CCDC3: variants seen among roughly 807,000 people sequenced by gnomAD.
CCDC3 encodes the protein coiled-coil domain-containing protein 3.
A neutral mutation model predicts 21.4 loss-of-function variants in CCDC3; 24 were observed. The ratio of observed to expected loss-of-function variants is 1.12; its 90% CI spans 0.81 to 1.58. The LOEUF is 1.58. Among genes scored for constraint, CCDC3 ranks in the 40% most tolerant of loss-of-function variants. CCDC3 has a pLI of 0.00. For missense variants in CCDC3, 425 were observed against 360.9 expected, an observed-to-expected ratio of 1.18 and a Z score of -1.44; for synonymous variants, 186 against 166.0, an observed-to-expected ratio of 1.12 and a Z score of -0.93.
In CCDC3 at chr10:13,001,243, G is replaced by T; in HGVS notation, c.328C>A (p.His110Asn). 1 of 1,585,424 alleles carries T rather than the reference G, an allele frequency of 6.3e-7. No homozygotes were observed. The highest frequency in any genetic ancestry group is 8.6e-7 in the Non-Finnish European group (1 of 1,166,614). Reference protein sequence around the residue: ...NLTGLGYFSCHSHTVVQDYSY... With the variant: ...NLTGLGYFSCNSHTVVQDYSY... ...TAGTCCTGGACCACGGTGTGGGAGT[G>T]GCACGAGAAGTAGCCCAGGCCGGTG... Residue 110 changes from histidine to asparagine, a missense_variant, in exon 1 of 3, where the codon CAC becomes AAC. Physicochemically the swap from His to Asn is moderately conservative, Grantham distance 68. Coordinates refer to ENST00000378825, the MANE Select transcript of CCDC3 (RefSeq NM_031455.4).
intron 2 of CCDC3, among the ~76,000 whole-genome samples, chr10:12,985,210 T>TTATGAGATAGCATAAAACCTCA (rs1488171875): frequency 6.6e-6 from 1 of 152,154 alleles, no homozygotes; most frequent in Non-Finnish European, 1.5e-5. Flanking sequence ...AAGCAAAACC[T>TTATGAGATAGCATAAAACCTCA]TAAAACCATA....
At chr10:13,077,141 T>G (rs1836974761) in intron 3 of CCDC3, among the ~76,000 whole-genome samples, 1 of 152,204 alleles carries the variant, frequency 6.6e-6, no homozygotes, top group Non-Finnish European at 1.5e-5. Flanking sequence ...CTCCTTAAGC[T>G]GATAAGCAAC....
intron 5 of CCDC3, among the ~76,000 whole-genome samples, chr10:13,025,902 C>T (rs951025689): frequency 4.6e-5 from 7 of 152,146 alleles, no homozygotes; most frequent in Non-Finnish European, 8.8e-5. Flanking sequence ...AAAACTCACC[C>T]GGGCATGGTG....
chr10:12,985,762 G>A (rs1458482605), intron 2 of CCDC3, among the ~76,000 whole-genome samples: 1 of 152,210 alleles, frequency 6.6e-6, no homozygotes, highest in Non-Finnish European at 1.5e-5. Context: ...GATAGGTGAG[G>A]GGAAGGGTAG....
intron 2 of CCDC3, among the ~76,000 whole-genome samples, chr10:12,914,405 G>GC (rs1270166304): frequency 2.2e-4 from 34 of 151,948 alleles, no homozygotes; most frequent in Non-Finnish European, 4.9e-4. Context: ...TTGTATTTCT[G>GC]CGGTATCAGT....
intron 5 of CCDC3, among the ~76,000 whole-genome samples, chr10:13,011,607 T>C (rs545827834): frequency 2.6e-5 from 4 of 152,304 alleles, no homozygotes; most frequent in Admixed American, 2.0e-4. Context: ...AAAATGCCTA[T>C]ATAAAATGCT....
intron 2 of CCDC3, among the ~76,000 whole-genome samples, chr10:12,955,529 G>C (rs972761929): frequency 2.6e-5 from 4 of 152,144 alleles, no homozygotes; most frequent in African/African-American, 9.7e-5. Flanking sequence ...CTAGTTTGTA[G>C]CCAAACCCAG....
intron 3 of CCDC3, among the ~76,000 whole-genome samples, chr10:13,091,229 A>G (rs1199432095): frequency 6.6e-6 from 1 of 152,226 alleles, no homozygotes; most frequent in Admixed American, 6.5e-5. Context: ...ACTCACAGAC[A>G]TACCCAGAAA....
chr10:13,079,509 A>C (rs1274439418), intron 3 of CCDC3, among the ~76,000 whole-genome samples: 2 of 152,190 alleles, frequency 1.3e-5, no homozygotes, highest in Non-Finnish European at 2.9e-5. Flanking sequence ...GTTGGGACAC[A>C]TACCAAGGCA....
At chr10:12,952,502 T>C (rs1377828925) in intron 2 of CCDC3, among the ~76,000 whole-genome samples, 1 of 152,210 alleles carries the variant, frequency 6.6e-6, no homozygotes, top group Non-Finnish European at 1.5e-5. Flanking sequence ...TTTGATGGCA[T>C]TCCATCATCT....
chr10:12,952,038 T>G (rs566228473), intron 2 of CCDC3, among the ~76,000 whole-genome samples: 2 of 152,194 alleles, frequency 1.3e-5, no homozygotes, highest in Admixed American at 1.3e-4. Context: ...TTTGGACAGA[T>G]AAGGAAATAA....
chr10:13,051,531 C>T (rs992245724), intron 4 of CCDC3, among the ~76,000 whole-genome samples: 1 of 152,216 alleles, frequency 6.6e-6, no homozygotes, highest in Admixed American at 6.5e-5. Flanking sequence ...ATGATGGCAG[C>T]TGTCACTACT....
At chr10:12,997,250 A>G (rs2131284766) in intron 2 of CCDC3, among the ~76,000 whole-genome samples, 1 of 152,200 alleles carries the variant, frequency 6.6e-6, no homozygotes, top group African/African-American at 2.4e-5. Flanking sequence ...TGGAAAAAAA[A>G]AAAAAAAGTC....
intron 2 of CCDC3, among the ~76,000 whole-genome samples, chr10:12,985,073 T>C (rs1835566521): frequency 6.6e-6 from 1 of 152,204 alleles, no homozygotes; most frequent in African/African-American, 2.4e-5. Context: ...ATAGATTTTT[T>C]TTACTCTACC....
intron 2 of CCDC3, among the ~76,000 whole-genome samples, chr10:12,995,593 A>G (rs1046454593): frequency 7.9e-5 from 12 of 152,182 alleles, no homozygotes; most frequent in African/African-American, 2.7e-4. Flanking sequence ...CAAAGTGGGT[A>G]GGGAGTAAAA....
At chr10:13,048,334 G>A (rs1836556804) in intron 5 of CCDC3, among the ~76,000 whole-genome samples, 1 of 151,940 alleles carries the variant, frequency 6.6e-6, no homozygotes. Context: ...AGGGACTACA[G>A]GTGCGCACCA....
chr10:13,081,190 A>G (rs1256528546), intron 3 of CCDC3, among the ~76,000 whole-genome samples: 2 of 151,804 alleles, frequency 1.3e-5, no homozygotes, highest in Non-Finnish European at 2.9e-5. Flanking sequence ...AAATACCTAT[A>G]GGTTGCCTTA....
chr10:13,007,668 C>T (rs1021511712), intron 5 of CCDC3, among the ~76,000 whole-genome samples: 1 of 152,110 alleles, frequency 6.6e-6, no homozygotes, highest in South Asian at 2.1e-4. Context: ...ATGGAGCTAC[C>T]CTCTCTTAAA....
intron 5 of CCDC3, among the ~76,000 whole-genome samples, chr10:13,032,559 T>C (rs1836319429): frequency 6.6e-6 from 1 of 152,212 alleles, no homozygotes; most frequent in South Asian, 2.1e-4. Flanking sequence ...TTGTCCCTGC[T>C]TGCAGATGAC....
Sources: gnomAD v4.1 joint callset for allele counts (sites outside exome capture counted in the v4.1 genomes callset) on GRCh38, gnomAD v4.1.1 for gene constraint, MANE v1.5 for transcripts, NCBI Gene and HGNC (gene_info 2026-07-23, HGNC 2026-07-21) for gene names.